ARHGAP21: variants seen among roughly 807,000 people sequenced by gnomAD.
ARHGAP21 encodes Rho GTPase activating protein 21.
A neutral mutation model predicts 164.6 loss-of-function variants in ARHGAP21; 38 were observed. The ratio of observed to expected loss-of-function variants is 0.23; its 90% CI spans 0.18 to 0.30. ARHGAP21 has a LOEUF of 0.30. ARHGAP21 is among the 10% of genes least tolerant of loss of function. The pLI, the probability that ARHGAP21 is intolerant of heterozygous loss-of-function variation, is 1.00. For missense variants in ARHGAP21, 1,822 were observed against 2,370.7 expected, an observed-to-expected ratio of 0.77 and a Z score of 4.81; for synonymous variants, 766 against 857.9, an observed-to-expected ratio of 0.89 and a Z score of 1.87.
chr10:24,587,463 TAAAAATTTAGGCTGTTCTATC>T (rs1007303616), intron 25 of ARHGAP21, among the ~76,000 whole-genome samples: 3 of 146,426 alleles, frequency 2.0e-5, no homozygotes, highest in Non-Finnish European at 4.7e-5. Context: ...AGTCTTAAAG[TAAAAATTTAGGCTGTTCTATC>T]AAAGAATTTA....
chr10:24,641,545 T>C (rs1837019414), intron 4 of ARHGAP21, among the ~76,000 whole-genome samples: 1 of 152,220 alleles, frequency 6.6e-6, no homozygotes, highest in African/African-American at 2.4e-5. Flanking sequence ...ATATCTATTA[T>C]TAGTAAAAAC....
intron 2 of ARHGAP21, among the ~76,000 whole-genome samples, chr10:24,671,774 G>A (rs1840723635): frequency 6.7e-6 from 1 of 149,458 alleles, no homozygotes; most frequent in Admixed American, 6.7e-5. Flanking sequence ...CTGGGCTGGA[G>A]TGCAGTGCCA....
chr10:24,620,260 C>T lies in ARHGAP21; in HGVS notation c.1635G>A (p.Arg545=). 5 of 1,613,930 alleles carry T rather than the reference C, an allele frequency of 3.1e-6. No individual in the cohort carries two copies. The highest frequency in any genetic ancestry group is 4.2e-6 in the Non-Finnish European group (5 of 1,179,868). The part of the protein sequence containing the change: ...DDRRGICERP[R]QQEIHKSFRG... ...GAAAAGATTTATGAATTTCTTGCTG[C>T]CTAGGTCTTTCACAAATACCTCGTC... Residue 545 remains arginine (R), a synonymous_variant, in exon 9 of 26, where the codon AGG becomes AGA. Transcript: ENST00000396432.
At chr10:24,589,364 A>T in intron 24 of ARHGAP21, 62 bp from the exon 25 acceptor site, 1 of 1,443,176 alleles carries the variant, frequency 6.9e-7, no homozygotes, top group South Asian at 1.2e-5. Flanking sequence ...TCCACAAACA[A>T]TGCAAAACTT....
At chr10:24,722,569 C>G (rs923945568) in intron 1 of ARHGAP21, 1 of 152,670 alleles carries the variant, frequency 6.6e-6, no homozygotes. Flanking sequence ...GAGCAGAGGG[C>G]TGTGCATGTT....
At chr10:24,689,409 C>T (rs548998497) in intron 2 of ARHGAP21, among the ~76,000 whole-genome samples, 6 of 152,188 alleles carry the variant, frequency 3.9e-5, no homozygotes, top group South Asian at 4.1e-4. Context: ...GTCAATACTT[C>T]GAGACATATA....
At chr10:24,646,155 T>C (rs923941191) in intron 4 of ARHGAP21, among the ~76,000 whole-genome samples, 7 of 152,210 alleles carry the variant, frequency 4.6e-5, no homozygotes, top group Non-Finnish European at 8.8e-5. Flanking sequence ...GATGAAAAAT[T>C]ATCTGTTAAA....
At chr10:24,640,332 TAAC>T (rs1836873034) in intron 4 of ARHGAP21, 1 of 151,438 alleles carries the variant, frequency 6.6e-6, no homozygotes, top group Non-Finnish European at 1.5e-5. Context: ...ATAATGGTTA[TAAC>T]TGAGATTGAG....
At position 24,664,566 on chromosome 10, in the gene ARHGAP21, AT is replaced by A. The variant is rs201931073; in HGVS notation, c.268+2418del. On this transcript the variant is annotated intron_variant, in intron 4 of 25. Transcript: ENST00000396432. ...TGAGATTCCGTCTCAAAAAAAAAAA[AT>A]AATAATAATAATAATAATAATAACA... Among the ~76,000 whole-genome samples the A allele has an allele frequency of 4.6e-3, 676 of 147,340 alleles. 4 individuals are homozygous for A. The highest frequency in any genetic ancestry group is 9.7e-3 in the African/African-American group (381 of 39,382).
intron 2 of ARHGAP21, among the ~76,000 whole-genome samples, chr10:24,671,452 C>A (rs1163943054): frequency 6.6e-6 from 1 of 152,040 alleles, no homozygotes; most frequent in Non-Finnish European, 1.5e-5. Context: ...AAAACAGAAG[C>A]AATAAAATGA....
At chr10:24,659,417 G>A (rs1174701431) in intron 4 of ARHGAP21, among the ~76,000 whole-genome samples, 1 of 152,182 alleles carries the variant, frequency 6.6e-6, no homozygotes, top group Non-Finnish European at 1.5e-5. Flanking sequence ...CCGGGTTCAA[G>A]CGATTCTCCT....
At chr10:24,683,414 G>T (rs1218454843) in intron 2 of ARHGAP21, among the ~76,000 whole-genome samples, 2 of 151,100 alleles carry the variant, frequency 1.3e-5, no homozygotes, top group Non-Finnish European at 2.9e-5. Context: ...CAGGGTTCTG[G>T]TTTTTTAATT....
At chr10:24,599,226 A>C (rs1346715469) in intron 14 of ARHGAP21, among the ~76,000 whole-genome samples, 1 of 152,228 alleles carries the variant, frequency 6.6e-6, no homozygotes, top group African/African-American at 2.4e-5. Flanking sequence ...TTTAACAATG[A>C]CAGTCTACTG....
chr10:24,625,657 C>G (rs189099976), intron 7 of ARHGAP21, among the ~76,000 whole-genome samples: 7 of 152,258 alleles, frequency 4.6e-5, no homozygotes, highest in Admixed American at 4.6e-4. Flanking sequence ...CATACTCTTG[C>G]TTCCCTCACT....
intron 7 of ARHGAP21, chr10:24,629,458 AG>A (rs1835630896): frequency 6.6e-6 from 1 of 152,406 alleles, no homozygotes. Context: ...TTTCCCCTTA[AG>A]TTGTAGACTC....
chr10:24,646,520 C>T (rs1194497083), intron 4 of ARHGAP21, among the ~76,000 whole-genome samples: 1 of 152,106 alleles, frequency 6.6e-6, no homozygotes, highest in Non-Finnish European at 1.5e-5. Flanking sequence ...AGCCTGTGGT[C>T]CCAGCTATTC....
intron 4 of ARHGAP21, among the ~76,000 whole-genome samples, chr10:24,644,988 C>G (rs1404005218): frequency 6.6e-6 from 1 of 152,140 alleles, no homozygotes; most frequent in East Asian, 1.9e-4. Flanking sequence ...CTCATTTCTC[C>G]AGAGGAAGGA....
At chr10:24,702,185 C>T (rs1843737973) in intron 2 of ARHGAP21, among the ~76,000 whole-genome samples, 1 of 123,856 alleles carries the variant, frequency 8.1e-6, no homozygotes, top group Non-Finnish European at 1.6e-5. Context: ...GTCTGGAGTG[C>T]AGTGGCGCGA....
chr10:24,699,584 C>G (rs1843467672), intron 2 of ARHGAP21, among the ~76,000 whole-genome samples: 1 of 152,168 alleles, frequency 6.6e-6, no homozygotes, highest in Non-Finnish European at 1.5e-5. Flanking sequence ...CTCGGCCTCC[C>G]AAAGTGCTGG....
Sources: gnomAD v4.1 joint callset for allele counts (sites outside exome capture counted in the v4.1 genomes callset) on GRCh38, gnomAD v4.1.1 for gene constraint, MANE v1.5 for transcripts, NCBI Gene and HGNC (gene_info 2026-07-23, HGNC 2026-07-21) for gene names.